Variants in DLC1 observed in about 807,000 individuals in gnomAD.
DLC1 encodes the protein DLC1 Rho GTPase activating protein.
In DLC1, 54 loss-of-function variants were observed where a neutral mutation model predicts 140.3. That is an observed-to-expected ratio of 0.38 (90% CI 0.31 to 0.48). The LOEUF (loss-of-function observed/expected upper bound fraction) is 0.48. DLC1 is among the 20% of genes least tolerant of loss of function. The pLI is 0.96. For missense variants in DLC1, 2,536 were observed against 1,907.0 expected, an observed-to-expected ratio of 1.33 and a Z score of -6.14; for synonymous variants, 986 against 728.1, an observed-to-expected ratio of 1.35 and a Z score of -5.70.
chr8:13,419,801 C>G (rs1346031056), intron 2 of DLC1, among the ~76,000 whole-genome samples: 1 of 152,120 alleles, frequency 6.6e-6, no homozygotes, highest in Non-Finnish European at 1.5e-5. Context: ...CCAGTTCCTC[C>G]TTGCACCTCT....
intron 5 of DLC1, among the ~76,000 whole-genome samples, chr8:13,194,888 TG>T (rs758086630): frequency 8.5e-5 from 13 of 152,196 alleles, no homozygotes; most frequent in Non-Finnish European, 1.6e-4. Context: ...CATGCGCCTG[TG>T]GTAGTAGCTA....
Position 13,358,121 on chromosome 8 carries a change from T to C in DLC1, c.1314+35432A>G, listed in dbSNP as rs1563281619. Among the ~76,000 whole-genome samples the C allele has an allele frequency of 2.6e-5, 4 of 152,350 alleles. 1 individual carries two copies. The East Asian group carries it at 7.7e-4, about 29-fold the overall frequency. ...AATCCTGCTATTCTGTTTTGCTTTA[T>C]AACAAATATTTTCCTATTCACCGTA... On this transcript the variant is annotated intron_variant, in intron 4 of 17. Coordinates refer to ENST00000276297, the MANE Select transcript of DLC1 (RefSeq NM_182643.3).
At chr8:13,567,467 CAG>C in intron 1 of DLC1, 1 of 1,552,040 alleles carries the variant, frequency 6.4e-7, no homozygotes, top group Middle Eastern at 1.7e-4. Flanking sequence ...GTAGAGGCTT[CAG>C]AGAGAGATGC....
intron 5 of DLC1, among the ~76,000 whole-genome samples, chr8:13,227,231 G>A (rs1000867049): frequency 6.6e-6 from 1 of 152,088 alleles, no homozygotes; most frequent in Non-Finnish European, 1.5e-5. Flanking sequence ...TCTTCCAAGT[G>A]TAGTCTCACC....
chr8:13,225,195 T>C (rs962991861), intron 5 of DLC1, among the ~76,000 whole-genome samples: 1 of 152,246 alleles, frequency 6.6e-6, no homozygotes, highest in African/African-American at 2.4e-5. Context: ...AAAAAAATTA[T>C]ACTTCTTTTT....
chr8:13,572,167 G>T (rs1370272724), intron 1 of DLC1, among the ~76,000 whole-genome samples: 2 of 149,690 alleles, frequency 1.3e-5, no homozygotes, highest in African/African-American at 4.9e-5. Context: ...TCGCCTCACT[G>T]CAAGCTCCAC....
chr8:13,278,499 A>C (rs1831253815), intron 5 of DLC1, among the ~76,000 whole-genome samples: 1 of 152,226 alleles, frequency 6.6e-6, no homozygotes, highest in South Asian at 2.1e-4. Flanking sequence ...AGGAGGAAAT[A>C]TCACATCGAC....
At chr8:13,095,334 G>T in intron 10 of DLC1, 89 bp from the exon 11 acceptor site, 1 of 1,536,412 alleles carries the variant, frequency 6.5e-7, no homozygotes, top group Non-Finnish European at 8.9e-7. Context: ...AAACCCTGTG[G>T]GCTCCAGATC....
In DLC1 at chr8:13,384,872, G is replaced by A. The variant is rs995321253; in HGVS notation, c.1314+8681C>T. Among the ~76,000 whole-genome samples the A allele has an allele frequency of 5.9e-5, 9 of 152,062 alleles. No homozygotes were observed. The East Asian group carries it at 1.3e-3, about 23-fold the overall frequency. ...ACAGGGAAGTACTGGGGGCAACTTCGTGGGGATGCTCTTGGAAATGAAACA... is the reference window on the plus strand; with the variant it reads ...ACAGGGAAGTACTGGGGGCAACTTCATGGGGATGCTCTTGGAAATGAAACA... On this transcript the variant is annotated intron_variant, in intron 4 of 17. Coordinates refer to ENST00000276297, the MANE Select transcript of DLC1 (RefSeq NM_182643.3).
At chr8:13,440,442 T>C (rs1477741441) in intron 2 of DLC1, among the ~76,000 whole-genome samples, 1 of 152,236 alleles carries the variant, frequency 6.6e-6, no homozygotes, top group African/African-American at 2.4e-5. Context: ...CCAGCTCTCC[T>C]TTATTAGCTA....
At chr8:13,206,380 C>T (rs1827665227) in intron 5 of DLC1, among the ~76,000 whole-genome samples, 1 of 152,084 alleles carries the variant, frequency 6.6e-6, no homozygotes, top group South Asian at 2.1e-4. Context: ...TTGGAATATA[C>T]AGTAAATGTA....
At chr8:13,247,588 C>T (rs1473518307) in intron 5 of DLC1, among the ~76,000 whole-genome samples, 2 of 152,176 alleles carry the variant, frequency 1.3e-5, no homozygotes, top group African/African-American at 2.4e-5. Flanking sequence ...ACATTCTAAG[C>T]ACAGAATGGA....
chr8:13,544,983 C>A (rs908777901), intron 1 of DLC1, among the ~76,000 whole-genome samples: 3 of 152,114 alleles, frequency 2.0e-5, no homozygotes, highest in Non-Finnish European at 2.9e-5. Flanking sequence ...TAGCACCCCC[C>A]CTGGAACTGT....
intron 4 of DLC1, among the ~76,000 whole-genome samples, chr8:13,384,251 T>G (rs1312310742): frequency 2.6e-5 from 4 of 152,074 alleles, no homozygotes; most frequent in Non-Finnish European, 5.9e-5. Context: ...ATCACAAAGG[T>G]GCTAGCAAGT....
At chr8:13,145,739 C>T (rs1019515651) in intron 5 of DLC1, among the ~76,000 whole-genome samples, 2 of 151,956 alleles carry the variant, frequency 1.3e-5, no homozygotes, top group African/African-American at 4.8e-5. Context: ...ATCTTTGAAA[C>T]AATGTTGAAT....
chr8:13,515,099 A>AAAAGAAAG (rs562230594), upstream of DLC1, among the ~76,000 whole-genome samples: 2 of 152,146 alleles, frequency 1.3e-5, no homozygotes, highest in African/African-American at 4.8e-5. Flanking sequence ...TGCTTATGAA[A>AAAAGAAAG]AAAGAAAGAA....
intron 3 of DLC1, among the ~76,000 whole-genome samples, chr8:13,393,938 C>T (rs192287928): frequency 1.3e-5 from 2 of 152,206 alleles, no homozygotes; most frequent in African/African-American, 4.8e-5. Flanking sequence ...AATTTAACAG[C>T]TGAGTGTGCA....
chr8:13,291,555 T>C (rs900845594), intron 5 of DLC1, among the ~76,000 whole-genome samples: 3 of 152,214 alleles, frequency 2.0e-5, no homozygotes, highest in African/African-American at 7.2e-5. Flanking sequence ...TATAAATTCA[T>C]AGAAGTGATC....
intron 5 of DLC1, among the ~76,000 whole-genome samples, chr8:13,153,719 T>G (rs1012283542): frequency 6.6e-6 from 1 of 152,046 alleles, no homozygotes; most frequent in African/African-American, 2.4e-5. Flanking sequence ...CCCCACTAGA[T>G]TAGCTAGACA....
Sources: allele counts gnomAD v4.1 joint callset (sites outside exome capture counted in the v4.1 genomes callset), GRCh38; gene constraint gnomAD v4.1.1; transcripts MANE v1.5; gene names NCBI Gene and HGNC (gene_info 2026-07-23, HGNC 2026-07-21).